The following CNTNAP2 variants were observed in gnomAD, a reference collection of about 807,000 sequenced individuals.
CNTNAP2 encodes the protein contactin-associated protein-like 2.
A neutral mutation model predicts 155.2 loss-of-function variants in CNTNAP2; 98 were observed. That is an observed-to-expected ratio of 0.63 (90% CI 0.54 to 0.75). The LOEUF is 0.75. Ranked by LOEUF, CNTNAP2 falls within the 30% of genes least tolerant of loss-of-function variation. The pLI, the probability that CNTNAP2 is intolerant of heterozygous loss-of-function variation, is 0.00. For missense variants in CNTNAP2, 1,727 were observed against 1,688.1 expected (o/e 1.02, Z -0.40); for synonymous variants, 651 against 631.2 (o/e 1.03, Z -0.47).
At chr7:146,667,560 G>A (rs763400972) in intron 1 of CNTNAP2, among the ~76,000 whole-genome samples, 15 of 151,794 alleles carry the variant, frequency 9.9e-5, no homozygotes, top group East Asian at 3.9e-4. Flanking sequence ...GATTCTTTTC[G>A]ATAGTATGGC....
At chr7:146,763,099 C>A (rs1307475693) in intron 1 of CNTNAP2, among the ~76,000 whole-genome samples, 1 of 152,174 alleles carries the variant, frequency 6.6e-6, no homozygotes, top group East Asian at 1.9e-4. Flanking sequence ...CAAAGCCCAG[C>A]AAAGTTGGCT....
chr7:147,128,601 G>T (rs1182376165), intron 6 of CNTNAP2, 92 bp from the exon 7 acceptor site: 4 of 1,409,540 alleles, frequency 2.8e-6, no homozygotes, highest in Non-Finnish European at 4.0e-6. Context: ...TTTGGTTGAG[G>T]TATAGATACT....
intron 22 of CNTNAP2, among the ~76,000 whole-genome samples, chr7:148,386,345 C>T (rs370870876): frequency 2.0e-5 from 3 of 151,910 alleles, no homozygotes; most frequent in Non-Finnish European, 2.9e-5. Context: ...CTGACCAACA[C>T]GGTGAAAGCC....
chr7:147,266,716 G>A (rs1345092445), intron 8 of CNTNAP2, among the ~76,000 whole-genome samples: 55 of 152,078 alleles, frequency 3.6e-4, no homozygotes, highest in Admixed American at 3.6e-3. Context: ...GCAGAACTGG[G>A]GTTGTGGGAG....
chr7:146,616,900 G>GA (rs370039168), intron 1 of CNTNAP2, among the ~76,000 whole-genome samples: 6 of 151,910 alleles, frequency 3.9e-5, no homozygotes, highest in Admixed American at 3.3e-4. Flanking sequence ...TTATTCCATA[G>GA]AAAAAAAACC....
At chr7:146,491,486 G>A (rs1316263150) in intron 1 of CNTNAP2, among the ~76,000 whole-genome samples, 1 of 151,830 alleles carries the variant, frequency 6.6e-6, no homozygotes, top group Non-Finnish European at 1.5e-5. Context: ...CTCAGATTAG[G>A]GCGTTTTGGA....
chr7:147,854,918 A>G (rs1050991901), intron 13 of CNTNAP2, among the ~76,000 whole-genome samples: 3 of 152,180 alleles, frequency 2.0e-5, no homozygotes, highest in Non-Finnish European at 4.4e-5. Context: ...AGTACAAAAT[A>G]CATAAGAATT....
chr7:147,313,089 G>A lies in CNTNAP2; in HGVS notation c.1498+12799G>A, dbSNP rs533543838. Among the ~76,000 whole-genome samples, 10 of 129,184 alleles carry A rather than the reference G, an allele frequency of 7.7e-5. 1 individual carries two copies. The East Asian group carries it at 9.5e-4, about 12-fold the overall frequency. 84.7% of individuals were successfully genotyped at this position (129,184 alleles called of 152,430 possible). A position where few individuals can be genotyped will look rare whatever the true frequency, so the allele number is the denominator to read the frequency against. On this transcript the variant is annotated intron_variant, in intron 9 of 23. Coordinates refer to ENST00000361727, the MANE Select transcript of CNTNAP2 (RefSeq NM_014141.6). ...TGAGAAGTGTCTGTTCATGTCCTTC[G>A]CCCACTTTTTGATGGGGTTGTTTGT...
intron 1 of CNTNAP2, among the ~76,000 whole-genome samples, chr7:146,702,354 A>G (rs1800892187): frequency 6.6e-6 from 1 of 152,174 alleles, no homozygotes; most frequent in African/African-American, 2.4e-5. Context: ...AATTATTTAG[A>G]AAAGCGTTCT....
intron 1 of CNTNAP2, among the ~76,000 whole-genome samples, chr7:146,341,839 A>C (rs767116580): frequency 6.6e-6 from 1 of 152,166 alleles, no homozygotes; most frequent in African/African-American, 2.4e-5. Context: ...CCCATGCCTG[A>C]ATGCATTTTG....
At chr7:147,346,624 G>T (rs1350449992) in intron 9 of CNTNAP2, among the ~76,000 whole-genome samples, 2 of 152,212 alleles carry the variant, frequency 1.3e-5, no homozygotes, top group Non-Finnish European at 2.9e-5. Context: ...AGAGAGAGTT[G>T]CAGGATGTTC....
At chr7:146,155,866 AT>A (rs905033383) in intron 1 of CNTNAP2, among the ~76,000 whole-genome samples, 2 of 150,118 alleles carry the variant, frequency 1.3e-5, no homozygotes, top group African/African-American at 4.9e-5. Context: ...TGCCTGACTA[AT>A]TTTTTTTTGT....
At position 146,116,941 on chromosome 7, in the gene CNTNAP2, T is replaced by C. The variant is rs768374052; in HGVS notation, c.65T>C (p.Leu22Pro). ...ALLLWIVSSCLCRAWTAPSTS... is the reference protein window; with the variant it reads ...ALLLWIVSSCPCRAWTAPSTS... Reference sequence around the variant, plus strand: ...CTGCTGTGGATTGTCAGCAGCTGCCTCTGCAGAGCCTGGACGGCTCCCTCC... The same window carrying C: ...CTGCTGTGGATTGTCAGCAGCTGCCCCTGCAGAGCCTGGACGGCTCCCTCC... Residue 22 changes from leucine to proline, a missense_variant, in exon 1 of 24, where the codon CTC becomes CCC. By Grantham distance (98) the Leu-to-Pro change is moderately conservative. Transcript: ENST00000361727. The surrounding 1 kb of genome is among the most constrained non-coding windows in gnomAD (Gnocchi z 5.5). 4.7e-5 allele frequency: 73 copies of C among 1,552,032 alleles called. No individual in the cohort carries two copies. Among genetic ancestry groups the C allele is most frequent in the Admixed American group, 3.9e-4 (20 of 51,530 alleles).
intron 2 of CNTNAP2, among the ~76,000 whole-genome samples, chr7:146,807,471 A>C (rs1203345696): frequency 6.6e-6 from 1 of 152,136 alleles, no homozygotes; most frequent in Non-Finnish European, 1.5e-5. Flanking sequence ...TGATGAGAGC[A>C]CCTGGAAATG....
chr7:148,247,927 T>TAAAAA (rs1796301940), intron 20 of CNTNAP2, among the ~76,000 whole-genome samples: 2 of 152,050 alleles, frequency 1.3e-5, no homozygotes, highest in African/African-American at 4.8e-5. Context: ...GTGCTGGGAT[T>TAAAAA]ACAGGTGTGA....
At chr7:148,130,608 G>C (rs886480409) in intron 16 of CNTNAP2, among the ~76,000 whole-genome samples, 1 of 152,054 alleles carries the variant, frequency 6.6e-6, no homozygotes, top group Non-Finnish European at 1.5e-5. Flanking sequence ...AGTGATTTAC[G>C]GCCTAACTTA....
At chr7:147,587,259 C>T (rs6967698) in intron 12 of CNTNAP2, among the ~76,000 whole-genome samples, 105,397 of 152,006 alleles carry the variant, frequency 0.69, 37,128 homozygotes, top group African/African-American at 0.81. Flanking sequence ...AGTTCAGAAC[C>T]GATGCTAAGA....
chr7:148,299,917 C>G (rs575996576), intron 21 of CNTNAP2, among the ~76,000 whole-genome samples: 1 of 152,268 alleles, frequency 6.6e-6, no homozygotes, highest in East Asian at 1.9e-4. Flanking sequence ...ATAATAATAA[C>G]TGCCAAAGGA....
chr7:148,125,606 T>A (rs1212950208), intron 16 of CNTNAP2, among the ~76,000 whole-genome samples: 2 of 152,124 alleles, frequency 1.3e-5, no homozygotes, highest in African/African-American at 4.8e-5. Context: ...ATGATGTATA[T>A]GTACCACATT....
Sources: allele counts gnomAD v4.1 joint callset (sites outside exome capture counted in the v4.1 genomes callset), GRCh38; gene constraint gnomAD v4.1.1; non-coding constraint Gnocchi (gnomAD v3.1); transcripts MANE v1.5; gene names NCBI Gene and HGNC (gene_info 2026-07-23, HGNC 2026-07-21).